Variants in FOXK2 observed in about 807,000 individuals in gnomAD.
The protein encoded by FOXK2 is forkhead box K2, also known as forkhead box protein K2.
FOXK2 carries 24 observed loss-of-function variants against 53.3 expected under a neutral mutation model. The observed-to-expected ratio is 0.45, with a 90% confidence interval of 0.33 to 0.63. The LOEUF (loss-of-function observed/expected upper bound fraction) is 0.63, where lower values mean the gene tolerates loss of function less well. Ranked by LOEUF, FOXK2 falls within the 30% of genes least tolerant of loss-of-function variation. The pLI, the probability that FOXK2 is intolerant of heterozygous loss-of-function variation, is 0.03. For missense variants in FOXK2, 952 were observed against 910.5 expected (o/e 1.05, Z -0.59); for synonymous variants, 505 against 407.1 (o/e 1.24, Z -2.89).
chr17:82,541,852 G>A (rs968014487), intron 1 of FOXK2, among the ~76,000 whole-genome samples: 2 of 150,704 alleles, frequency 1.3e-5, no homozygotes, highest in South Asian at 4.2e-4. Context: ...GTAGGGACTA[G>A]AGGCACAAAT....
In FOXK2 at chr17:82,585,978, T is replaced by C; in HGVS notation, c.1354T>C (p.Tyr452His). ...QLPQAIKPVT[Y>H]TVATPVTTST... ...ACCACAGGCCATCAAGCCTGTCACC[T>C]ACACTGTGGCCACCCCAGTGACCAC... Residue 452 changes from tyrosine to histidine, a missense_variant, in exon 7 of 9, where the codon TAC (tyrosine) becomes CAC (histidine). This residue lies in a region of FOXK2 where 551 missense variants were observed against 385.1 expected (regional missense o/e 1.43). Transcript: ENST00000335255. 1 of 1,612,786 alleles carries C rather than the reference T, an allele frequency of 6.2e-7. No homozygotes were observed. The highest frequency in any genetic ancestry group is 1.1e-5 in the South Asian group (1 of 91,084).
At chr17:82,522,865 G>T (rs1222250690) in intron 1 of FOXK2, among the ~76,000 whole-genome samples, 1 of 152,126 alleles carries the variant, frequency 6.6e-6, no homozygotes, top group Non-Finnish European at 1.5e-5. Context: ...CGTGATCTTG[G>T]CTTGCTGCAA....
intron 1 of FOXK2, among the ~76,000 whole-genome samples, chr17:82,528,712 G>A (rs8074070): frequency 0.037 from 5,639 of 152,240 alleles, 343 homozygotes; most frequent in African/African-American, 0.13. Flanking sequence ...TGCTTTCCTC[G>A]TGCACGTCAG....
intron 1 of FOXK2, among the ~76,000 whole-genome samples, chr17:82,521,743 A>G (rs2044363762): frequency 8.9e-6 from 1 of 111,846 alleles, no homozygotes; most frequent in Non-Finnish European, 2.0e-5. Flanking sequence ...CATTCTGGCT[A>G]ACACGGTGAA....
intron 1 of FOXK2, among the ~76,000 whole-genome samples, chr17:82,531,046 T>G (rs1430247289): frequency 6.6e-6 from 1 of 152,180 alleles, no homozygotes; most frequent in Non-Finnish European, 1.5e-5. Flanking sequence ...CTGTTCCCAC[T>G]TTGCCAAGCT....
chr17:82,563,999 A>G (rs1429129127), intron 2 of FOXK2, among the ~76,000 whole-genome samples: 1 of 150,728 alleles, frequency 6.6e-6, no homozygotes, highest in Non-Finnish European at 1.5e-5. Flanking sequence ...TGATCCGCCC[A>G]CCTCAGCCTC....
At chr17:82,592,588 G>C (rs1358017679) in intron 8 of FOXK2, among the ~76,000 whole-genome samples, 1 of 152,216 alleles carries the variant, frequency 6.6e-6, no homozygotes, top group African/African-American at 2.4e-5. Flanking sequence ...CCTGCCTTTC[G>C]CTTCTTTCGT....
intron 3 of FOXK2, among the ~76,000 whole-genome samples, chr17:82,569,152 G>C (rs2044885439): frequency 1.3e-5 from 2 of 152,212 alleles, no homozygotes; most frequent in South Asian, 4.1e-4. Context: ...ATGCTGAGTG[G>C]AAGAAAGAGA....
chr17:82,547,669 C>T (rs1260025702), intron 1 of FOXK2, among the ~76,000 whole-genome samples: 2 of 151,942 alleles, frequency 1.3e-5, no homozygotes, highest in Non-Finnish European at 1.5e-5. Flanking sequence ...CTTAAGGGTA[C>T]CTTTCAAAGA....
At chr17:82,566,706 C>T (rs1447023622) in intron 2 of FOXK2, among the ~76,000 whole-genome samples, 2 of 152,172 alleles carry the variant, frequency 1.3e-5, no homozygotes, top group Non-Finnish European at 2.9e-5. Flanking sequence ...GGTCGGCTCC[C>T]AACTCCGCCT....
chr17:82,589,544 C>T (rs1017054176), intron 8 of FOXK2, among the ~76,000 whole-genome samples: 3 of 152,232 alleles, frequency 2.0e-5, no homozygotes, highest in Admixed American at 2.0e-4. Flanking sequence ...CCACCTGATT[C>T]GTTCTGTATT....
intron 8 of FOXK2, chr17:82,588,455 CGGTTGG>C (rs2045218936): frequency 5.5e-5 from 9 of 164,388 alleles, no homozygotes; most frequent in South Asian, 1.2e-4. Context: ...GGAGGGCTGG[CGGTTGG>C]AGGGCTGGCG....
At chr17:82,599,738 G>A (rs935427422) in intron 8 of FOXK2, 2 of 152,308 alleles carry the variant, frequency 1.3e-5, no homozygotes, top group African/African-American at 2.4e-5. Context: ...GGAAGACCTG[G>A]GGGCGGAGGT....
chr17:82,530,186 T>C (rs2044459549), intron 1 of FOXK2, among the ~76,000 whole-genome samples: 1 of 152,078 alleles, frequency 6.6e-6, no homozygotes, highest in Non-Finnish European at 1.5e-5. Context: ...TTTGGACAGA[T>C]GGAATATAGA....
intron 1 of FOXK2, among the ~76,000 whole-genome samples, chr17:82,545,326 C>T (rs2044614491): frequency 6.6e-6 from 1 of 152,154 alleles, no homozygotes; most frequent in Admixed American, 6.6e-5. Context: ...TTTTGAACTT[C>T]ATATCCATGA....
intron 1 of FOXK2, chr17:82,559,394 G>A (rs532269202): frequency 2.8e-5 from 13 of 456,356 alleles, no homozygotes; most frequent in East Asian, 2.8e-4. Context: ...CAGAGATGGC[G>A]GAGCCACTTG....
At chr17:82,547,331 A>G (rs955576011) in intron 1 of FOXK2, among the ~76,000 whole-genome samples, 1 of 152,160 alleles carries the variant, frequency 6.6e-6, no homozygotes, top group Non-Finnish European at 1.5e-5. Flanking sequence ...CACATTGGAA[A>G]AAGTATTGTC....
Position 82,519,826 on chromosome 17 carries a change from C to T in FOXK2, c.-63C>T. 2 of 644,418 alleles carry T rather than the reference C, an allele frequency of 3.1e-6. No individual in the cohort carries two copies. Among genetic ancestry groups the T allele is most frequent in the Non-Finnish European group, 3.8e-6 (2 of 522,060 alleles). The allele number at this position is 644,418 out of a possible 1,614,324, so 39.9% of individuals were successfully genotyped here. A position where few individuals can be genotyped will look rare whatever the true frequency, so the allele number is the denominator to read the frequency against. On this transcript the variant is annotated 5_prime_UTR_variant, in exon 1 of 9. Transcript: ENST00000335255. Reference sequence around the variant, plus strand: ...CGCGGCGGCCGACGACCCGCGCGGCCTGGGCCTCGGCCCGCGCCACCGGCG... The same window carrying T: ...CGCGGCGGCCGACGACCCGCGCGGCTTGGGCCTCGGCCCGCGCCACCGGCG...
intron 8 of FOXK2, among the ~76,000 whole-genome samples, chr17:82,591,012 G>A (rs1328819786): frequency 6.6e-6 from 1 of 152,212 alleles, no homozygotes; most frequent in African/African-American, 2.4e-5. Flanking sequence ...AGCTGCTGTG[G>A]GACCCGGGGC....
Sources: allele counts gnomAD v4.1 joint callset (sites outside exome capture counted in the v4.1 genomes callset), GRCh38; gene constraint gnomAD v4.1.1; regional missense constraint gnomAD v4.1.1; transcripts MANE v1.5; gene names NCBI Gene and HGNC (gene_info 2026-07-23, HGNC 2026-07-21).